The following VPS35L variants were observed in gnomAD, a reference collection of about 807,000 sequenced individuals.
The protein encoded by VPS35L is VPS35 endosomal protein sorting factor like, also known as VPS35 endosomal protein-sorting factor-like.
In VPS35L, 83 loss-of-function variants were observed where a neutral mutation model predicts 133.0. The observed-to-expected ratio is 0.62, with a 90% CI of 0.52 to 0.75. VPS35L has a LOEUF of 0.75. Ranked by LOEUF, VPS35L falls within the 30% of genes least tolerant of loss-of-function variation. VPS35L has a pLI of 0.00. For synonymous variants in VPS35L, 423 were observed against 449.9 expected (o/e 0.94, Z 0.76); for missense variants, 1,083 against 1,206.8 (o/e 0.90, Z 1.52).
rs769395184 is a variant in VPS35L, at chr16:19,575,122, G to C, written c.433G>C (p.Gly145Arg). Residue 145 changes from glycine (G) to arginine (R), a missense_variant and splice_region_variant, in exon 5 of 31, where the codon GGC (glycine) becomes CGC (arginine). Gly to Arg is a moderately radical substitution (Grantham distance 125). Transcript: ENST00000417362. The stretch of plus-strand genomic sequence containing the variant: ...GAATCTGTTTATGGGATCTGAAAAA[G>C]GTAAGATGAGTTTGTTGTTGTTTTG... ...SINLFMGSEK[G>R]KAGTATLAMS... 6.2e-7 allele frequency: 1 copy of C among 1,606,842 alleles called. No individual in the cohort carries two copies. The highest frequency in any genetic ancestry group is 2.2e-5 in the East Asian group (1 of 44,686).
intron 12 of VPS35L, 178 bp downstream of exon 12, chr16:19,610,593 A>C: frequency 2.2e-6 from 1 of 450,510 alleles, no homozygotes; most frequent in Non-Finnish European, 3.9e-6. Flanking sequence ...TCTTTTAAAA[A>C]TTAATTTTAA....
At chr16:19,657,653 T>C (rs540381111) in intron 26 of VPS35L, among the ~76,000 whole-genome samples, 1 of 152,288 alleles carries the variant, frequency 6.6e-6, no homozygotes, top group South Asian at 2.1e-4. Context: ...ATGAGGAATG[T>C]TCAACCTGTA....
At position 19,626,207 on chromosome 16, in the gene VPS35L, A is replaced by G. The variant is rs769314468; in HGVS notation, c.1255A>G (p.Lys419Glu). 19 of 1,600,126 alleles carry G rather than the reference A, an allele frequency of 1.2e-5. No individual in the cohort carries two copies. Among genetic ancestry groups the G allele is most frequent in the Non-Finnish European group, 1.5e-5 (18 of 1,171,380 alleles). ...GCTGACCGAGATGATGGAAAGGTGT[A>G]AGAAACTAGGAAACAAGTAAGTATT... ...ALLTEMMERC[K>E]KLGNNALLLN... The change falls in exon 15 of 31, where the codon AAG (lysine) becomes GAG (glutamate). Residue 419 changes from lysine to glutamate, a missense_variant. By Grantham distance (56) the Lys-to-Glu change is moderately conservative. Transcript: ENST00000417362.
chr16:19,656,108 A>T lies in VPS35L; in HGVS notation c.2221+4018A>T, dbSNP rs866722931. On this transcript the variant is annotated intron_variant, in intron 26 of 30. Transcript: ENST00000417362. ...TGAAACCCCGTCTCTACTAAAAATT[A>T]AAAAAATTAGGCAGTTGTGGTGGTG... Among the ~76,000 whole-genome samples the T allele has an allele frequency of 8.4e-4, 128 of 151,832 alleles. 1 individual carries two copies. In the Middle Eastern group the frequency reaches 0.017, roughly 20 times the overall value.
chr16:19,626,451 T>C (rs936331668), intron 15 of VPS35L, among the ~76,000 whole-genome samples: 1 of 152,210 alleles, frequency 6.6e-6, no homozygotes, highest in Admixed American at 6.5e-5. Context: ...TCTCTTCATC[T>C]GTAAAACGGG....
At chr16:19,663,539 T>TC (rs1011199852) in intron 26 of VPS35L, among the ~76,000 whole-genome samples, 7 of 91,584 alleles carry the variant, frequency 7.6e-5, no homozygotes, top group African/African-American at 1.5e-4. Flanking sequence ...CCCGCCACCC[T>TC]CCCCCCCGAT....
At chr16:19,679,521 T>C (rs1421626767) in intron 27 of VPS35L, among the ~76,000 whole-genome samples, 2 of 145,994 alleles carry the variant, frequency 1.4e-5, no homozygotes, top group African/African-American at 2.5e-5. Context: ...ATTTATTTTT[T>C]TGGAGACAGA....
At chr16:19,609,107 G>A in intron 11 of VPS35L, 86 bp downstream of exon 11, 1 of 1,170,174 alleles carries the variant, frequency 8.5e-7, no homozygotes, top group South Asian at 1.2e-5. Context: ...TGTAATAGTA[G>A]CCATTATTCA....
At chr16:19,693,571 A>G (rs909096774) in intron 29 of VPS35L, among the ~76,000 whole-genome samples, 12 of 152,160 alleles carry the variant, frequency 7.9e-5, no homozygotes, top group Admixed American at 7.9e-4. Context: ...ACTTGAGGCC[A>G]GGAGTTCGAG....
chr16:19,690,058 G>A (rs568712960), intron 28 of VPS35L, among the ~76,000 whole-genome samples: 45 of 151,992 alleles, frequency 3.0e-4, no homozygotes, highest in Non-Finnish European at 6.0e-4. Flanking sequence ...GACTACAGGC[G>A]TGAGCTACCA....
intron 7 of VPS35L, 67 bp downstream of exon 7, chr16:19,581,720 A>T (rs775498369): frequency 6.2e-5 from 97 of 1,563,388 alleles, no homozygotes; most frequent in African/African-American, 1.0e-4. Context: ...TGAGACTTAG[A>T]GTTTTCAGGG....
At chr16:19,609,118 C>G (rs1053217141) in intron 11 of VPS35L, 97 bp downstream of exon 11, 10 of 1,040,012 alleles carry the variant, frequency 9.6e-6, no homozygotes, top group Non-Finnish European at 1.3e-5. Flanking sequence ...CCATTATTCA[C>G]TGAGTACTTA....
chr16:19,628,579 G>A (rs1330277346), intron 16 of VPS35L, 58 bp from the exon 17 acceptor site: 7 of 927,464 alleles, frequency 7.5e-6, no homozygotes, highest in African/African-American at 1.7e-5. Context: ...TTTTCTTTGA[G>A]CTTCAAGTTA....
Position 19,699,506 on chromosome 16 carries a change from T to A in VPS35L, c.2651T>A (p.Leu884Gln). 1 of 1,614,104 alleles carries A rather than the reference T, an allele frequency of 6.2e-7. No homozygotes were observed. Among genetic ancestry groups the A allele is most frequent in the Non-Finnish European group, 8.5e-7 (1 of 1,179,966 alleles). ...AACCTCCCTTTTCTGTTTCAGGCCC[T>A]GAAGCGCCAGAGCTCGTTGGGCCTT... ...HLKTLAKDEA[L>Q]KRQSSLGLSF... The change falls in exon 30 of 31, where the codon CTG becomes CAG. Residue 884 changes from leucine to glutamine, a missense_variant. By Grantham distance (113) the Leu-to-Gln change is moderately radical (BLOSUM62 -2). Coordinates refer to ENST00000417362, the MANE Select transcript of VPS35L (RefSeq NM_020314.7). This position sits in a 1 kb window ranked among gnomAD's most constrained non-coding sequence, Gnocchi z 4.2.
chr16:19,690,471 T>G (rs1975630269), intron 28 of VPS35L, among the ~76,000 whole-genome samples: 1 of 152,170 alleles, frequency 6.6e-6, no homozygotes, highest in Non-Finnish European at 1.5e-5. Context: ...TCAAAGGGAT[T>G]TACACTTCTA....
chr16:19,618,776 A>G (rs1367782358), intron 14 of VPS35L, among the ~76,000 whole-genome samples: 1 of 152,168 alleles, frequency 6.6e-6, no homozygotes, highest in Non-Finnish European at 1.5e-5. Flanking sequence ...CACTGTATCT[A>G]CGGTGCTTAG....
intron 16 of VPS35L, 73 bp downstream of exon 16, chr16:19,627,878 C>A: frequency 8.0e-7 from 1 of 1,255,558 alleles, no homozygotes; most frequent in Non-Finnish European, 1.2e-6. Context: ...AGAGACAGTC[C>A]GGTTTTGGGA....
intron 2 of VPS35L, among the ~76,000 whole-genome samples, chr16:19,565,478 G>A (rs1025521889): frequency 6.6e-6 from 1 of 152,084 alleles, no homozygotes; most frequent in Admixed American, 6.6e-5. Context: ...GAGTAGCTGG[G>A]AGTACAGGCA....
At chr16:19,595,070 G>C (rs116427347) in intron 8 of VPS35L, among the ~76,000 whole-genome samples, 2,730 of 152,252 alleles carry the variant, frequency 0.018, 77 homozygotes, top group African/African-American at 0.061. Flanking sequence ...GATGAGATGA[G>C]CCCGGGAGAG....
Sources: gnomAD v4.1 joint callset for allele counts (sites outside exome capture counted in the v4.1 genomes callset) on GRCh38, gnomAD v4.1.1 for gene constraint, Gnocchi (gnomAD v3.1) non-coding constraint, MANE v1.5 for transcripts, NCBI Gene and HGNC (gene_info 2026-07-23, HGNC 2026-07-21) for gene names.